Variants in SMC6 observed in about 807,000 individuals in gnomAD.
SMC6 encodes structural maintenance of chromosomes 6.
Under a neutral mutation model 142.2 loss-of-function variants are expected in SMC6, and 79 were observed. That is an observed-to-expected ratio of 0.56 (90% confidence interval 0.46 to 0.67). The LOEUF is 0.67. SMC6 is among the 30% of genes least tolerant of loss of function. The pLI is 0.00. For synonymous variants in SMC6, 411 were observed against 412.4 expected (o/e 1.00, Z 0.04); for missense variants, 1,072 against 1,284.0 (o/e 0.83, Z 2.52).
At chr2:17,700,803 G>A (rs372658708) in intron 20 of SMC6, among the ~76,000 whole-genome samples, 1 of 151,966 alleles carries the variant, frequency 6.6e-6, no homozygotes, top group East Asian at 1.9e-4. Flanking sequence ...AGGCCGACAC[G>A]GGTGGATCAC....
chr2:17,745,718 T>TA (rs1215584413), intron 3 of SMC6, 109 bp downstream of exon 3: 1 of 1,216,840 alleles, frequency 8.2e-7, no homozygotes, highest in East Asian at 2.7e-5. Flanking sequence ...CCTCAACTTT[T>TA]AAAAAATCAT....
At chr2:17,742,733 T>C (rs1319198625) in intron 3 of SMC6, among the ~76,000 whole-genome samples, 1 of 152,230 alleles carries the variant, frequency 6.6e-6, no homozygotes, top group Non-Finnish European at 1.5e-5. Flanking sequence ...GACGAATTTT[T>C]AAAATATTTT....
chr2:17,707,255 G>A lies in SMC6; in HGVS notation c.1970C>T (p.Pro657Leu). 1 of 1,600,052 alleles carries A rather than the reference G, an allele frequency of 6.2e-7. No homozygotes were observed. Among genetic ancestry groups the A allele is most frequent in the Non-Finnish European group, 8.5e-7 (1 of 1,174,070 alleles). ...ATCCACATCTCTGCTTAGGAACTTA[G>A]GTCTTGTATTTTCAGATGAATAATA... ...GRYYSSENTR[P>L]KFLSRDVDSE... Residue 657 changes from proline (P) to leucine (L), a missense_variant, in exon 18 of 28, where the codon CCT (proline) becomes CTT (leucine). Transcript: ENST00000448223.
intron 21 of SMC6, 21 bp from the exon 22 acceptor site, chr2:17,696,447 TA>T: frequency 6.3e-7 from 1 of 1,591,334 alleles, no homozygotes; most frequent in Non-Finnish European, 8.5e-7. Flanking sequence ...AAAGCCAGAA[TA>T]AAAGATTGTT....
At chr2:17,736,101 C>G (rs2125058312) in intron 5 of SMC6, among the ~76,000 whole-genome samples, 1 of 152,180 alleles carries the variant, frequency 6.6e-6, no homozygotes, top group South Asian at 2.1e-4. Context: ...ACTATAAAAA[C>G]AAGGGAAATT....
At chr2:17,705,701 A>C (rs1267625121) in intron 18 of SMC6, among the ~76,000 whole-genome samples, 1 of 152,246 alleles carries the variant, frequency 6.6e-6, no homozygotes, top group Non-Finnish European at 1.5e-5. Flanking sequence ...AAATTTAAGC[A>C]ATCAATGTAA....
chr2:17,685,934 A>C (rs1385439338), intron 23 of SMC6, among the ~76,000 whole-genome samples: 1 of 152,022 alleles, frequency 6.6e-6, no homozygotes, highest in African/African-American at 2.4e-5. Context: ...GAGGGGAAAA[A>C]CACCATAGAA....
At chr2:17,717,926 C>T (rs1669178689) in intron 12 of SMC6, 151 bp downstream of exon 12, 1 of 685,380 alleles carries the variant, frequency 1.5e-6, no homozygotes, top group Non-Finnish European at 2.2e-6. Context: ...TAAGAGGCTA[C>T]AGTGAGCCGT....
At chr2:17,672,337 G>A (rs1666798671) in intron 25 of SMC6, among the ~76,000 whole-genome samples, 1 of 152,136 alleles carries the variant, frequency 6.6e-6, no homozygotes, top group Non-Finnish European at 1.5e-5. Flanking sequence ...TTGAAAAACA[G>A]AGATGACAAC....
intron 23 of SMC6, among the ~76,000 whole-genome samples, chr2:17,686,275 A>T: frequency 6.6e-6 from 1 of 152,270 alleles, no homozygotes; most frequent in East Asian, 1.9e-4. Flanking sequence ...TGAGGTCAAG[A>T]GTTCGAGACC....
chr2:17,743,668 TATA>T (rs777357581), intron 3 of SMC6, among the ~76,000 whole-genome samples: 1 of 151,716 alleles, frequency 6.6e-6, no homozygotes, highest in African/African-American at 2.4e-5. Context: ...TGAACAAATT[TATA>T]ATGACATGTT....
Position 17,753,609 on chromosome 2 carries a change from G to A in SMC6, c.-93+17C>T, listed in dbSNP as rs1186435309. On this transcript the variant is annotated intron_variant, in intron 1 of 27. Coordinates refer to ENST00000448223, the MANE Select transcript of SMC6 (RefSeq NM_001142286.2). Reference sequence around the variant, plus strand: ...CCCCGGAGCAAGGGAAAGCGACAGCGCGCGCCTTCACCCTACCGCCAACAA... The same window carrying A: ...CCCCGGAGCAAGGGAAAGCGACAGCACGCGCCTTCACCCTACCGCCAACAA... 2.0e-5 allele frequency: 3 copies of A among 152,282 alleles called. No individual in the cohort carries two copies. The highest frequency in any genetic ancestry group is 7.2e-5 in the African/African-American group (3 of 41,462). The allele number at this position is 152,282 out of a possible 1,614,324, so 9.4% of individuals were successfully genotyped here.
At chr2:17,703,575 A>C (rs913060127) in intron 18 of SMC6, among the ~76,000 whole-genome samples, 1 of 152,206 alleles carries the variant, frequency 6.6e-6, no homozygotes, top group African/African-American at 2.4e-5. Context: ...ACTTATACAC[A>C]GATTTTCTTC....
intron 7 of SMC6, among the ~76,000 whole-genome samples, chr2:17,726,876 T>C (rs983437080): frequency 1.2e-4 from 19 of 152,214 alleles, no homozygotes; most frequent in Admixed American, 4.6e-4. Context: ...CCTCGGGTTC[T>C]TGTTTGAGCT....
chr2:17,676,971 G>A (rs1192985318), intron 25 of SMC6, among the ~76,000 whole-genome samples: 1 of 152,080 alleles, frequency 6.6e-6, no homozygotes. Context: ...TTTCTGCAGA[G>A]ATAACCATAT....
intron 2 of SMC6, among the ~76,000 whole-genome samples, chr2:17,747,461 T>A (rs1039665762): frequency 6.6e-6 from 1 of 152,140 alleles, no homozygotes; most frequent in Non-Finnish European, 1.5e-5. Flanking sequence ...TATCAATATT[T>A]ATTATATTAG....
intron 4 of SMC6, among the ~76,000 whole-genome samples, chr2:17,738,819 A>AT (rs1308119408): frequency 4.6e-5 from 7 of 151,408 alleles, no homozygotes; most frequent in South Asian, 2.1e-4. Context: ...TGCCCGGCTA[A>AT]TTTTTTTTTG....
intron 25 of SMC6, among the ~76,000 whole-genome samples, chr2:17,672,431 AT>A (rs1242645577): frequency 1.8e-4 from 27 of 151,846 alleles, no homozygotes; most frequent in Non-Finnish European, 3.1e-4. Flanking sequence ...TTTTTTCTCC[AT>A]TTTTTTATTA....
intron 25 of SMC6, 136 bp from the exon 26 acceptor site, chr2:17,670,711 A>G: frequency 2.3e-6 from 2 of 872,286 alleles, no homozygotes; most frequent in Non-Finnish European, 3.3e-6. Flanking sequence ...ATTTGGAAAT[A>G]CCCATTCCTT....
Sources: gnomAD v4.1 joint callset for allele counts (sites outside exome capture counted in the v4.1 genomes callset) on GRCh38, gnomAD v4.1.1 for gene constraint, MANE v1.5 for transcripts, NCBI Gene and HGNC (gene_info 2026-07-23, HGNC 2026-07-21) for gene names.